SLC25A48: variants seen among roughly 807,000 people sequenced by gnomAD.
The protein encoded by SLC25A48 is CTC-321K16.1.
In SLC25A48, 29 loss-of-function variants were observed where a neutral mutation model predicts 32.2. The ratio of observed to expected loss-of-function variants is 0.90; its 90% CI spans 0.67 to 1.23. The LOEUF (loss-of-function observed/expected upper bound fraction) is 1.23. SLC25A48 is among the 50% of genes most tolerant of loss of function. The pLI, the probability that SLC25A48 is intolerant of heterozygous loss-of-function variation, is 0.00. For missense variants in SLC25A48, 399 were observed against 422.7 expected, an observed-to-expected ratio of 0.94 and a Z score of 0.49; for synonymous variants, 164 against 172.3, an observed-to-expected ratio of 0.95 and a Z score of 0.38.
chr5:135,742,700 A>G (rs1014532314), intron 3 of SLC25A48: 3 of 425,044 alleles, frequency 7.1e-6, no homozygotes, highest in Non-Finnish European at 1.3e-5. Flanking sequence ...GTTTAAAAGT[A>G]TCCTCTGAAA....
At chr5:135,741,552 A>G (rs1420680064) in intron 3 of SLC25A48, among the ~76,000 whole-genome samples, 2 of 152,208 alleles carry the variant, frequency 1.3e-5, no homozygotes, top group Admixed American at 6.5e-5. Context: ...AGCCTGGGCA[A>G]TATGGCAAAA....
At chr5:135,779,522 A>ACACGCAC (rs1326006136) in intron 3 of SLC25A48, among the ~76,000 whole-genome samples, 2 of 120,778 alleles carry the variant, frequency 1.7e-5, no homozygotes. Flanking sequence ...GGGGGTGTAC[A>ACACGCAC]TGCCCCCCTG....
chr5:135,868,098 C>T (rs567541743), intron 4 of SLC25A48, among the ~76,000 whole-genome samples: 4 of 152,258 alleles, frequency 2.6e-5, no homozygotes, highest in Non-Finnish European at 5.9e-5. Context: ...ACTCATCAAT[C>T]GTGCACTTGA....
intron 3 of SLC25A48, among the ~76,000 whole-genome samples, chr5:135,670,850 G>A (rs368238382): frequency 6.6e-6 from 1 of 152,146 alleles, no homozygotes; most frequent in Admixed American, 6.5e-5. Flanking sequence ...ATTCAAAAGG[G>A]ACATTGTCTC....
chr5:135,752,891 A>G (rs979596746), intron 3 of SLC25A48, among the ~76,000 whole-genome samples: 1 of 151,912 alleles, frequency 6.6e-6, no homozygotes, highest in African/African-American at 2.4e-5. Context: ...ATCTTCTATG[A>G]TATGGATAAT....
chr5:135,771,008 C>T (rs1756394668), intron 3 of SLC25A48, among the ~76,000 whole-genome samples: 2 of 151,924 alleles, frequency 1.3e-5, no homozygotes, highest in South Asian at 4.1e-4. Flanking sequence ...TGATATTACT[C>T]CTAATATTGC....
At chr5:135,632,210 CT>C (rs1752591987) in intron 2 of SLC25A48, among the ~76,000 whole-genome samples, 1 of 152,194 alleles carries the variant, frequency 6.6e-6, no homozygotes, top group Non-Finnish European at 1.5e-5. Context: ...TAGGCTTTGT[CT>C]TGAGGGCCAT....
chr5:135,715,953 C>A (rs763665146), intron 3 of SLC25A48, among the ~76,000 whole-genome samples: 1 of 152,134 alleles, frequency 6.6e-6, no homozygotes, highest in African/African-American at 2.4e-5. Flanking sequence ...TATTTCCTGG[C>A]TTTTACTTGG....
rs1580966124 is a variant in SLC25A48 at position 135,842,667 on chromosome 5, G to A, written c.90+208G>A. Among the ~76,000 whole-genome samples, 7 of 152,278 alleles carry A rather than the reference G, an allele frequency of 4.6e-5. 1 individual carries two copies. Among genetic ancestry groups the A allele is most frequent in the Admixed American group, 4.6e-4 (7 of 15,310 alleles). ...CAGGTAGAACTTTAGAAGTAGATTG[G>A]AGATGGGAACCTATCATTACCTGAT... On this transcript the variant is annotated intron_variant, in intron 2 of 7. Transcript: ENST00000681962.
At chr5:135,674,996 C>G (rs4976313) in intron 3 of SLC25A48, among the ~76,000 whole-genome samples, 78,387 of 151,516 alleles carry the variant, frequency 0.52, 21,237 homozygotes, top group South Asian at 0.61. Context: ...AGTCCCTTTT[C>G]CCTGCATCCT....
intron 3 of SLC25A48, among the ~76,000 whole-genome samples, chr5:135,792,902 C>T (rs1285349303): frequency 2.6e-5 from 4 of 151,368 alleles, no homozygotes; most frequent in African/African-American, 7.3e-5. Flanking sequence ...GGGTGTACAC[C>T]CTGGGATATG....
chr5:135,842,334 TG>T, intron 1 of SLC25A48, 81 bp from the exon 2 acceptor site: 5 of 1,434,554 alleles, frequency 3.5e-6, no homozygotes, highest in Non-Finnish European at 3.9e-6. Context: ...ACTAAACAAG[TG>T]CCTGTTTTGT....
intron 1 of SLC25A48, among the ~76,000 whole-genome samples, chr5:135,596,260 G>A (rs924093181): frequency 9.2e-5 from 14 of 152,160 alleles, no homozygotes; most frequent in Non-Finnish European, 1.9e-4. Flanking sequence ...ATGTAAAAGA[G>A]ACAAGTGATA....
chr5:135,734,993 G>A (rs928266714), intron 3 of SLC25A48, among the ~76,000 whole-genome samples: 1 of 152,212 alleles, frequency 6.6e-6, no homozygotes, highest in Non-Finnish European at 1.5e-5. Context: ...CCTTGGGCCA[G>A]AGTTCCAGGG....
chr5:135,648,720 A>C (rs982202622), intron 3 of SLC25A48: 1 of 152,270 alleles, frequency 6.6e-6, no homozygotes, highest in African/African-American at 2.4e-5. Flanking sequence ...GAAATCCATG[A>C]GGGCCTATGA....
At chr5:135,765,507 G>T (rs1756191071) in intron 3 of SLC25A48, among the ~76,000 whole-genome samples, 1 of 150,888 alleles carries the variant, frequency 6.6e-6, no homozygotes, top group Admixed American at 6.6e-5. Context: ...GGGTGAGGGG[G>T]TTATATTACA....
intron 3 of SLC25A48, among the ~76,000 whole-genome samples, chr5:135,748,592 G>A (rs1005821825): frequency 4.6e-5 from 7 of 152,022 alleles, no homozygotes; most frequent in Non-Finnish European, 8.8e-5. Context: ...TTCTCCTTTC[G>A]CTGAGGAAAC....
chr5:135,756,411 G>A (rs1004126128), intron 3 of SLC25A48, among the ~76,000 whole-genome samples: 18 of 152,152 alleles, frequency 1.2e-4, no homozygotes, highest in Non-Finnish European at 2.5e-4. Flanking sequence ...TCGACCTTGT[G>A]TGGTGGCTCA....
chr5:135,884,756 G>A (rs1561566504), intron 7 of SLC25A48, among the ~76,000 whole-genome samples: 3 of 152,092 alleles, frequency 2.0e-5, no homozygotes, highest in Admixed American at 2.0e-4. Flanking sequence ...CCATTTCCCG[G>A]TGCGAGGCAT....
Sources: gnomAD v4.1 joint callset for allele counts (sites outside exome capture counted in the v4.1 genomes callset) on GRCh38, gnomAD v4.1.1 for gene constraint, MANE v1.5 for transcripts, NCBI Gene and HGNC (gene_info 2026-07-23, HGNC 2026-07-21) for gene names.